ARHGAP39: variants seen among roughly 807,000 people sequenced by gnomAD.
The protein encoded by ARHGAP39 is Rho GTPase activating protein 39.
Under a neutral mutation model 106.9 loss-of-function variants are expected in ARHGAP39, and 44 were observed. The observed-to-expected ratio is 0.41, with a 90% CI of 0.32 to 0.53. The LOEUF (loss-of-function observed/expected upper bound fraction) is 0.53. Among genes scored for constraint, ARHGAP39 ranks in the 20% least tolerant of loss-of-function variants. The probability of loss-of-function intolerance (pLI) is 0.21; values close to 1 mark genes in which losing one functional copy is unlikely to be tolerated. For synonymous variants in ARHGAP39, 768 were observed against 693.2 expected, an observed-to-expected ratio of 1.11 and a Z score of -1.69; for missense variants, 1,496 against 1,577.3, an observed-to-expected ratio of 0.95 and a Z score of 0.87.
chr8:144,551,332 G>C (rs1187892351), intron 4 of ARHGAP39, among the ~76,000 whole-genome samples: 1 of 152,188 alleles, frequency 6.6e-6, no homozygotes, highest in Non-Finnish European at 1.5e-5. Flanking sequence ...GTTCTGCCCA[G>C]TTGGGGCAGA....
chr8:144,643,112 A>G (rs1821352755), intron 1 of ARHGAP39, among the ~76,000 whole-genome samples: 1 of 152,196 alleles, frequency 6.6e-6, no homozygotes, highest in Admixed American at 6.5e-5. Flanking sequence ...TCTTCTGTAG[A>G]GTAGCCCTCC....
At chr8:144,545,846 G>C (rs767098652) in intron 5 of ARHGAP39, 36 bp from the exon 6 acceptor site, 10 of 1,450,790 alleles carry the variant, frequency 6.9e-6, no homozygotes, top group East Asian at 4.8e-5. Context: ...TGTTGGGGGT[G>C]GGGGAGGGCC....
chr8:144,590,676 T>TG (rs1012592099), intron 2 of ARHGAP39, among the ~76,000 whole-genome samples: 14 of 152,030 alleles, frequency 9.2e-5, no homozygotes, highest in African/African-American at 2.9e-4. Context: ...TGCAGAAGGC[T>TG]GGGGGGGCAG....
upstream of ARHGAP39, among the ~76,000 whole-genome samples, chr8:144,686,865 C>G (rs1822602400): frequency 6.6e-6 from 1 of 152,208 alleles, no homozygotes; most frequent in Non-Finnish European, 1.5e-5. Context: ...CTGCCTTCAC[C>G]TTAAACTTGT....
chr8:144,580,261 T>TC (rs1224334507), intron 3 of ARHGAP39, among the ~76,000 whole-genome samples: 1 of 151,988 alleles, frequency 6.6e-6, no homozygotes, highest in Non-Finnish European at 1.5e-5. Context: ...TCCACACTGA[T>TC]CTACACCCTC....
At chr8:144,558,958 C>T (rs1328264271) in intron 3 of ARHGAP39, among the ~76,000 whole-genome samples, 1 of 151,946 alleles carries the variant, frequency 6.6e-6, no homozygotes, top group Non-Finnish European at 1.5e-5. Flanking sequence ...ACTGTAATCC[C>T]AGCACTTTGG....
the ARHGAP39 span, among the ~76,000 whole-genome samples, chr8:144,693,059 T>TAA: frequency 4.4e-5 from 1 of 22,962 alleles, no homozygotes; most frequent in African/African-American, 1.0e-4. Context: ...GCGCCCGGCC[T>TAA]TTTTTTTTTT....
the ARHGAP39 span, among the ~76,000 whole-genome samples, chr8:144,695,625 TGAA>T: frequency 6.6e-6 from 1 of 152,198 alleles, no homozygotes; most frequent in South Asian, 2.1e-4. Flanking sequence ...CTCTCGGCCT[TGAA>T]GAAGGGGCTA....
the ARHGAP39 span, chr8:144,698,985 T>C: frequency 2.4e-6 from 1 of 422,618 alleles, no homozygotes; most frequent in Non-Finnish European, 4.7e-6. Flanking sequence ...CGCGTTTCTC[T>C]TTGGAGTGGC....
At position 144,580,733 on chromosome 8, in the gene ARHGAP39, C is replaced by T. The variant is rs537419156; in HGVS notation, c.512+113G>A. 14 of 1,284,594 alleles carry T rather than the reference C, an allele frequency of 1.1e-5. No homozygotes were observed. The East Asian group carries it at 3.1e-4, about 28-fold the overall frequency. The allele number at this position is 1,284,594 out of a possible 1,614,324, so 79.6% of individuals were successfully genotyped here. A position where few individuals can be genotyped will look rare whatever the true frequency, so the allele number is the denominator to read the frequency against. On this transcript the variant is annotated intron_variant, in intron 3 of 11. Coordinates refer to ENST00000377307, the MANE Select transcript of ARHGAP39 (RefSeq NM_025251.3). ...ACTCCTAACCTGGCCCCGCCCACCA[C>T]CTTCACCAGTCCCGCTCTCACCTGG...
At chr8:144,638,219 C>T (rs114563412) in intron 1 of ARHGAP39, among the ~76,000 whole-genome samples, 56 of 152,310 alleles carry the variant, frequency 3.7e-4, no homozygotes, top group African/African-American at 1.3e-3. Flanking sequence ...GGCAGCCGGC[C>T]GTCTGTACTG....
chr8:144,596,102 C>T (rs938797278), intron 2 of ARHGAP39, among the ~76,000 whole-genome samples: 2 of 152,284 alleles, frequency 1.3e-5, no homozygotes, highest in East Asian at 1.9e-4. Context: ...ACAGAGGCCC[C>T]GCAGCAAACC....
At position 144,545,358 on chromosome 8, in the gene ARHGAP39, G is replaced by T. The variant is rs767449644; in HGVS notation, c.2412C>A (p.Gly804=). ...CCAGGCAGATGGCCATGAGCTCCCA[G>T]CCGCGGGCCAGGCTCTCCAGGCGGA... ...ENFRLESLAR[G]WELMAICLAF... is the part of the protein sequence containing the mutation. The change falls in exon 6 of 12, where the codon GGC becomes GGA. Residue 804 remains glycine (G), a synonymous_variant. Coordinates refer to ENST00000377307, the MANE Select transcript of ARHGAP39 (RefSeq NM_025251.3). The T allele has an allele frequency of 1.2e-6, 2 of 1,601,206 alleles. No homozygotes were observed. The highest frequency in any genetic ancestry group is 1.7e-6 in the Non-Finnish European group (2 of 1,171,564).
At chr8:144,537,635 G>T (rs1170684913) in intron 7 of ARHGAP39, 86 bp downstream of exon 7, 1 of 1,209,890 alleles carries the variant, frequency 8.3e-7, no homozygotes, top group African/African-American at 1.5e-5. Context: ...CCCAGAAGCG[G>T]TTAGAGAAGA....
At chr8:144,666,118 T>G (rs1821956559) in intron 1 of ARHGAP39, among the ~76,000 whole-genome samples, 1 of 152,212 alleles carries the variant, frequency 6.6e-6, no homozygotes, top group African/African-American at 2.4e-5. Context: ...CTTTAAAATT[T>G]GACTGCCCTG....
intron 6 of ARHGAP39, among the ~76,000 whole-genome samples, chr8:144,542,557 T>C (rs1386849624): frequency 6.6e-6 from 1 of 152,224 alleles, no homozygotes; most frequent in African/African-American, 2.4e-5. Flanking sequence ...CCTCCTCGGC[T>C]GATAGGGCCT....
chr8:144,666,176 A>G (rs1230571902), intron 1 of ARHGAP39, among the ~76,000 whole-genome samples: 1 of 152,016 alleles, frequency 6.6e-6, no homozygotes, highest in Non-Finnish European at 1.5e-5. Flanking sequence ...CTTTTGGCCA[A>G]TTTCTCCCAT....
chr8:144,583,641 C>T (rs1563687343), intron 2 of ARHGAP39, among the ~76,000 whole-genome samples: 1 of 152,242 alleles, frequency 6.6e-6, no homozygotes, highest in Non-Finnish European at 1.5e-5. Flanking sequence ...GGCCAGCACA[C>T]CGTCACCCTT....
At chr8:144,565,226 C>T (rs551470233) in intron 3 of ARHGAP39, among the ~76,000 whole-genome samples, 11 of 152,032 alleles carry the variant, frequency 7.2e-5, no homozygotes, top group South Asian at 2.1e-4. Context: ...TGCAGTGAGC[C>T]GAGCCTGCAT....
Sources: gnomAD v4.1 joint callset for allele counts (sites outside exome capture counted in the v4.1 genomes callset) on GRCh38, gnomAD v4.1.1 for gene constraint, MANE v1.5 for transcripts, NCBI Gene and HGNC (gene_info 2026-07-23, HGNC 2026-07-21) for gene names.